Variants in XYLT1 observed in about 807,000 individuals in gnomAD.
XYLT1 encodes the protein xylosyltransferase 1, also known as beta-D-xylosyltransferase 1.
XYLT1 carries 36 observed loss-of-function variants against 91.3 expected under a neutral mutation model. The observed-to-expected ratio is 0.39, with a 90% CI of 0.30 to 0.52. The LOEUF (loss-of-function observed/expected upper bound fraction) is 0.52, where lower values mean the gene tolerates loss of function less well. XYLT1 is among the 20% of genes least tolerant of loss of function. The pLI, the probability that XYLT1 is intolerant of heterozygous loss-of-function variation, is 0.68. For synonymous variants in XYLT1, 588 were observed against 532.0 expected (o/e 1.11, Z -1.45); for missense variants, 1,242 against 1,284.5 (o/e 0.97, Z 0.51).
At chr16:17,194,246 C>A (rs1358710926) in intron 5 of XYLT1, 2 of 152,216 alleles carry the variant, frequency 1.3e-5, no homozygotes, top group African/African-American at 4.8e-5. Flanking sequence ...CGCGGTCACG[C>A]TGCTAGCTAA....
At chr16:17,264,414 C>A (rs954876725) in intron 2 of XYLT1, among the ~76,000 whole-genome samples, 1 of 152,212 alleles carries the variant, frequency 6.6e-6, no homozygotes, top group Non-Finnish European at 1.5e-5. Context: ...GGATTTTCTT[C>A]TTTTTGAAGC....
chr16:17,314,684 A>G (rs762850650), intron 2 of XYLT1, among the ~76,000 whole-genome samples: 1 of 152,252 alleles, frequency 6.6e-6, no homozygotes, highest in Non-Finnish European at 1.5e-5. Context: ...CACTAGTGAG[A>G]GAAAAATCAA....
intron 1 of XYLT1, among the ~76,000 whole-genome samples, chr16:17,362,813 T>G (rs1392740875): frequency 6.6e-6 from 1 of 152,236 alleles, no homozygotes; most frequent in African/African-American, 2.4e-5. Flanking sequence ...TGTTAGGCAA[T>G]GACATTGGTG....
At chr16:17,326,350 C>T (rs1410428813) in intron 2 of XYLT1, among the ~76,000 whole-genome samples, 1 of 152,182 alleles carries the variant, frequency 6.6e-6, no homozygotes, top group African/African-American at 2.4e-5. Context: ...ATTCTTTTAT[C>T]CATCCTCCTG....
intron 7 of XYLT1, among the ~76,000 whole-genome samples, chr16:17,139,189 G>A (rs1018309022): frequency 5.3e-5 from 8 of 152,248 alleles, no homozygotes; most frequent in Non-Finnish European, 1.2e-4. Context: ...GACTGCCAGA[G>A]AGTGAGAGAA....
chr16:17,323,620 G>A (rs1303795799), intron 2 of XYLT1, among the ~76,000 whole-genome samples: 3 of 152,154 alleles, frequency 2.0e-5, no homozygotes, highest in Admixed American at 1.3e-4. Context: ...TCCCAGCTCC[G>A]GACTTGTACA....
chr16:17,424,127 C>A (rs2036282935), intron 1 of XYLT1, among the ~76,000 whole-genome samples: 1 of 152,198 alleles, frequency 6.6e-6, no homozygotes, highest in South Asian at 2.1e-4. Flanking sequence ...CATCATCCAC[C>A]CTTTACTTCT....
intron 9 of XYLT1, 123 bp downstream of exon 9, chr16:17,134,350 A>G: frequency 7.5e-7 from 1 of 1,331,518 alleles, no homozygotes; most frequent in Non-Finnish European, 1.0e-6. Context: ...GCAAAGGAAG[A>G]GAGAAAGCAT....
chr16:17,372,328 C>T (rs1419946810), intron 1 of XYLT1, among the ~76,000 whole-genome samples: 2 of 152,192 alleles, frequency 1.3e-5, no homozygotes, highest in African/African-American at 4.8e-5. Flanking sequence ...ATCTTTTCAA[C>T]ACATTTTACA....
intron 8 of XYLT1, 184 bp downstream of exon 8, chr16:17,138,171 C>CTTCTA: frequency 1.5e-6 from 1 of 649,332 alleles, no homozygotes; most frequent in South Asian, 2.4e-5. Flanking sequence ...GTGGTTAGAA[C>CTTCTA]ATCCCTGAAG....
At chr16:17,137,114 G>T (rs1424175789) in intron 8 of XYLT1, among the ~76,000 whole-genome samples, 1 of 152,142 alleles carries the variant, frequency 6.6e-6, no homozygotes, top group Non-Finnish European at 1.5e-5. Context: ...GAGCTGCTGT[G>T]TGGGAACCTT....
intron 11 of XYLT1, among the ~76,000 whole-genome samples, chr16:17,110,958 G>C (rs11644425): frequency 6.6e-6 from 1 of 152,082 alleles, no homozygotes; most frequent in Non-Finnish European, 1.5e-5. Context: ...TCAGGAGTTC[G>C]AGACCAGCCT....
At chr16:17,153,295 C>T (rs2031326940) in intron 6 of XYLT1, among the ~76,000 whole-genome samples, 1 of 152,202 alleles carries the variant, frequency 6.6e-6, no homozygotes, top group African/African-American at 2.4e-5. Flanking sequence ...TACCCAAGGT[C>T]ACACACTGTG....
At chr16:17,395,813 C>T (rs2035877485) in intron 1 of XYLT1, among the ~76,000 whole-genome samples, 1 of 152,186 alleles carries the variant, frequency 6.6e-6, no homozygotes, top group Non-Finnish European at 1.5e-5. Context: ...ACATGGAATT[C>T]TTCAGGGACC....
intron 3 of XYLT1, 92 bp downstream of exon 3, chr16:17,258,896 C>T (rs2033676065): frequency 1.4e-6 from 2 of 1,384,566 alleles, no homozygotes; most frequent in East Asian, 4.9e-5. Flanking sequence ...TGGCCTTTCT[C>T]AGAAGGTCTG....
intron 10 of XYLT1, among the ~76,000 whole-genome samples, chr16:17,118,533 C>T (rs2029935945): frequency 6.6e-6 from 1 of 152,146 alleles, no homozygotes; most frequent in South Asian, 2.1e-4. Context: ...TAGGAAGAGA[C>T]AGCTTTGGCT....
intron 3 of XYLT1, among the ~76,000 whole-genome samples, chr16:17,251,567 G>A (rs1567342193): frequency 6.6e-6 from 1 of 152,166 alleles, no homozygotes; most frequent in Non-Finnish European, 1.5e-5. Flanking sequence ...GAGCCAGCAG[G>A]GCCTTTCTTG....
rs1002390607 is a variant in XYLT1, at chr16:17,150,790, G to A, written c.1370+8039C>T. On this transcript the variant is annotated intron_variant, in intron 6 of 11. Coordinates refer to ENST00000261381, the MANE Select transcript of XYLT1 (RefSeq NM_022166.4). ...ATGCTATATAGGAACAAATATGGGG[G>A]TAATGATAGAAAATAAAGAGACAGG... is the stretch of plus-strand genomic sequence containing the variant. Among the ~76,000 whole-genome samples, 5 of 152,152 alleles carry A rather than the reference G, an allele frequency of 3.3e-5. 1 individual carries two copies. The highest frequency in any genetic ancestry group is 2.9e-5 in the Non-Finnish European group (2 of 68,022).
At position 17,302,668 on chromosome 16, in the gene XYLT1, G is replaced by A. The variant is rs79640983; in HGVS notation, c.403-43170C>T. 9.5e-3 allele frequency among the ~76,000 whole-genome samples: 1,444 copies of A among 152,252 alleles called. 16 individuals are homozygous for A. Among genetic ancestry groups the A allele is most frequent in the Non-Finnish European group, 0.014 (932 of 68,026 alleles). ...TCCTATGGTTGTGTTTCCTTTCTTT[G>A]TCTCAGTTTTAATTTTTGCAGTCTT... On this transcript the variant is annotated intron_variant, in intron 2 of 11. Coordinates refer to ENST00000261381, the MANE Select transcript of XYLT1 (RefSeq NM_022166.4).
Sources: gnomAD v4.1 joint callset for allele counts (sites outside exome capture counted in the v4.1 genomes callset) on GRCh38, gnomAD v4.1.1 for gene constraint, MANE v1.5 for transcripts, NCBI Gene and HGNC (gene_info 2026-07-23, HGNC 2026-07-21) for gene names.